ODAD2: variants seen among roughly 807,000 people sequenced by gnomAD.
The protein encoded by ODAD2 is outer dynein arm docking complex subunit 2.
In ODAD2, 89 loss-of-function variants were observed where a neutral mutation model predicts 106.8. The observed-to-expected ratio is 0.83, with a 90% confidence interval of 0.70 to 0.99. The LOEUF is 0.99. Among genes scored for constraint, ODAD2 ranks in the 50% least tolerant of loss-of-function variants. ODAD2 has a pLI of 0.00. For synonymous variants in ODAD2, 404 were observed against 436.2 expected (o/e 0.93, Z 0.92); for missense variants, 1,168 against 1,238.5 (o/e 0.94, Z 0.85).
Position 27,936,754 on chromosome 10 carries a change from AT to A in ODAD2, c.2223del (p.Lys741AsnfsTer25), listed in dbSNP as rs749514705. On this transcript the variant is annotated frameshift_variant, in exon 15 of 20. Coordinates refer to ENST00000305242, the MANE Select transcript of ODAD2 (RefSeq NM_018076.5). LOFTEE classifies it high-confidence loss of function. ...RLAAVTGAIWKCSISKENVTK... is the reference protein window; with the variant it reads ...RLAAVTGAIWXCSISKENVTK... The stretch of plus-strand genomic sequence containing the variant: ...GTAACATTCTCTTTGCTGATGGAAC[AT>A]TTCCATATAGCCCCTGTGACAGCAG... 4.3e-6 allele frequency: 7 copies of A among 1,614,002 alleles called. No homozygotes were observed. The highest frequency in any genetic ancestry group is 5.9e-6 in the Non-Finnish European group (7 of 1,179,912).
chr10:27,848,454 C>T (rs1056925766), intron 19 of ODAD2, among the ~76,000 whole-genome samples: 4 of 152,058 alleles, frequency 2.6e-5, no homozygotes, highest in African/African-American at 9.7e-5. Flanking sequence ...ACCATACAAA[C>T]CCTAGAGGAA....
intron 7 of ODAD2, among the ~76,000 whole-genome samples, chr10:27,976,831 ACAACTT>A (rs1381274763): frequency 3.9e-5 from 6 of 152,214 alleles, no homozygotes; most frequent in African/African-American, 1.2e-4. Flanking sequence ...TTTAAAATAA[ACAACTT>A]CAAGACTTAT....
chr10:27,863,004 T>C (rs947182905), intron 17 of ODAD2, among the ~76,000 whole-genome samples: 3 of 152,200 alleles, frequency 2.0e-5, no homozygotes, highest in African/African-American at 7.2e-5. Context: ...CTAAACTTTT[T>C]CTCTTAGGAG....
At chr10:27,984,163 G>T in intron 5 of ODAD2, 21 bp downstream of exon 5, 1 of 1,562,210 alleles carries the variant, frequency 6.4e-7, no homozygotes, top group Non-Finnish European at 8.8e-7. Context: ...AACATAAAAT[G>T]AGCCTGAGAA....
At chr10:27,998,192 G>A (rs1169854034) in intron 1 of ODAD2, among the ~76,000 whole-genome samples, 1 of 152,200 alleles carries the variant, frequency 6.6e-6, no homozygotes, top group Non-Finnish European at 1.5e-5. Context: ...ACATCCACGG[G>A]GAGTCCGCGC....
At chr10:27,962,668 G>C (rs1254620397) in intron 9 of ODAD2, among the ~76,000 whole-genome samples, 2 of 152,160 alleles carry the variant, frequency 1.3e-5, no homozygotes, top group Non-Finnish European at 2.9e-5. Flanking sequence ...TTGATGCATG[G>C]ACAACAGTAT....
At chr10:27,842,413 T>C (rs1474467686) in intron 19 of ODAD2, among the ~76,000 whole-genome samples, 2 of 152,222 alleles carry the variant, frequency 1.3e-5, no homozygotes, top group Admixed American at 1.3e-4. Flanking sequence ...GCATACATGA[T>C]CATTCTTGAC....
intron 19 of ODAD2, among the ~76,000 whole-genome samples, chr10:27,820,354 G>A (rs889731959): frequency 2.0e-5 from 3 of 151,682 alleles, no homozygotes; most frequent in African/African-American, 2.4e-5. Flanking sequence ...TCTAAGAGTC[G>A]GTTGTATTTA....
At chr10:27,853,357 A>ACTC (rs1839425989) in intron 19 of ODAD2, 1 of 261,364 alleles carries the variant, frequency 3.8e-6, no homozygotes, top group African/African-American at 2.7e-5. Flanking sequence ...ACATGGCGAG[A>ACTC]CTCTGTCTAT....
At chr10:27,952,675 C>A (rs1847443212) in intron 10 of ODAD2, among the ~76,000 whole-genome samples, 1 of 152,132 alleles carries the variant, frequency 6.6e-6, no homozygotes, top group African/African-American at 2.4e-5. Context: ...AGACTCCGGC[C>A]TGAACCAATT....
At chr10:27,921,331 A>C (rs1045081562) in intron 16 of ODAD2, among the ~76,000 whole-genome samples, 1 of 151,878 alleles carries the variant, frequency 6.6e-6, no homozygotes, top group Admixed American at 6.6e-5. Context: ...AGAACATGAA[A>C]TTTAACTCTT....
intron 1 of ODAD2, among the ~76,000 whole-genome samples, chr10:27,997,934 C>T (rs1850653232): frequency 6.6e-6 from 1 of 152,162 alleles, no homozygotes; most frequent in African/African-American, 2.4e-5. Flanking sequence ...GTTTTGGTTA[C>T]GTGTTTACAT....
At chr10:27,892,880 A>G (rs10826360) in intron 17 of ODAD2, among the ~76,000 whole-genome samples, 100,890 of 152,086 alleles carry the variant, frequency 0.66, 33,798 homozygotes, top group Middle Eastern at 0.74. Flanking sequence ...CGGGTGTGGT[A>G]ACTCACGCCT....
chr10:27,960,504 G>A (rs1378346807), intron 10 of ODAD2, among the ~76,000 whole-genome samples: 7 of 151,518 alleles, frequency 4.6e-5, no homozygotes, highest in African/African-American at 9.7e-5. Context: ...GTGCCACCAC[G>A]CCCAGCTAAT....
Position 27,984,166 on chromosome 10 carries a change from C to T in ODAD2, c.682+18G>A, listed in dbSNP as rs188215744. On this transcript the variant is annotated intron_variant, in intron 5 of 19. Coordinates refer to ENST00000305242, the MANE Select transcript of ODAD2 (RefSeq NM_018076.5). ...GAAAATGTAAATAACATAAAATGAG[C>T]CTGAGAAAACATCAAACCTGAGGTA... The T allele has an allele frequency of 6.4e-7, 1 of 1,567,894 alleles. No individual in the cohort carries two copies. Among genetic ancestry groups the T allele is most frequent in the East Asian group, 2.2e-5 (1 of 44,610 alleles).
chr10:27,992,459 T>G (rs1480963418), intron 2 of ODAD2, among the ~76,000 whole-genome samples: 2 of 152,104 alleles, frequency 1.3e-5, no homozygotes. Flanking sequence ...GGGGCCAAGG[T>G]AGAAGGATCT....
At chr10:27,875,748 A>C (rs1841289868) in intron 17 of ODAD2, among the ~76,000 whole-genome samples, 1 of 152,180 alleles carries the variant, frequency 6.6e-6, no homozygotes, top group African/African-American at 2.4e-5. Flanking sequence ...AGGGCAAGGC[A>C]TTGCCTCACC....
chr10:27,936,928 GCTTT>G, intron 14 of ODAD2, 48 bp from the exon 15 acceptor site: 1 of 1,542,702 alleles, frequency 6.5e-7, no homozygotes, highest in Non-Finnish European at 8.7e-7. Flanking sequence ...GGAATATCAA[GCTTT>G]CAATGATGCT....
At chr10:27,934,922 C>T in intron 16 of ODAD2, 88 bp downstream of exon 16, 1 of 1,468,396 alleles carries the variant, frequency 6.8e-7, no homozygotes, top group Non-Finnish European at 9.4e-7. Flanking sequence ...TCGTGCACAT[C>T]AATTCTAAGT....
Sources: allele counts gnomAD v4.1 joint callset (sites outside exome capture counted in the v4.1 genomes callset), GRCh38; gene constraint gnomAD v4.1.1; transcripts MANE v1.5; gene names NCBI Gene and HGNC (gene_info 2026-07-23, HGNC 2026-07-21).